Variants in CNTN5 observed in about 807,000 individuals in gnomAD.
CNTN5 encodes the protein contactin 5.
A neutral mutation model predicts 129.1 loss-of-function variants in CNTN5; 77 were observed. That is an observed-to-expected ratio of 0.60 (90% CI 0.50 to 0.72). CNTN5 has a LOEUF of 0.72. Among genes scored for constraint, CNTN5 ranks in the 30% least tolerant of loss-of-function variants. The pLI is 0.00. For synonymous variants in CNTN5, 509 were observed against 465.6 expected, an observed-to-expected ratio of 1.09 and a Z score of -1.20; for missense variants, 1,478 against 1,328.8, an observed-to-expected ratio of 1.11 and a Z score of -1.75.
At position 99,844,233 on chromosome 11, in the gene CNTN5, CTATT is replaced by C. The variant is rs200603529; in HGVS notation, c.278-616_278-613del. Among the ~76,000 whole-genome samples the C allele has an allele frequency of 6.7e-3, 1,021 of 152,252 alleles. 10 individuals carry two copies. The highest frequency in any genetic ancestry group is 0.023 in the African/African-American group (958 of 41,556). ...GCCTTTTGTCTTCTGATCTTATTGA[CTATT>C]TAGTTGTATAAAGTTTTGCCATTTT... On this transcript the variant is annotated intron_variant, in intron 4 of 24. Transcript: ENST00000524871.
At chr11:99,396,380 C>T (rs1941525114) in intron 2 of CNTN5, among the ~76,000 whole-genome samples, 1 of 151,370 alleles carries the variant, frequency 6.6e-6, no homozygotes, top group Admixed American at 6.6e-5. Context: ...ACTCTGTGGT[C>T]TAGGTTATCT....
At chr11:99,830,300 T>C (rs938695103) in intron 4 of CNTN5, among the ~76,000 whole-genome samples, 1 of 152,180 alleles carries the variant, frequency 6.6e-6, no homozygotes, top group African/African-American at 2.4e-5. Flanking sequence ...ATAAACCCTC[T>C]GTGTCTACGC....
At chr11:99,073,992 A>C (rs556194319) in intron 1 of CNTN5, among the ~76,000 whole-genome samples, 1 of 152,258 alleles carries the variant, frequency 6.6e-6, no homozygotes, top group East Asian at 1.9e-4. Flanking sequence ...ACTCCCACCA[A>C]CAGTGTAAAA....
chr11:100,087,224 A>G (rs1008112177), intron 13 of CNTN5, among the ~76,000 whole-genome samples: 2 of 151,822 alleles, frequency 1.3e-5, no homozygotes, highest in Non-Finnish European at 2.9e-5. Context: ...AAATAATTAA[A>G]TGACAAAAAA....
At chr11:100,007,979 T>A (rs756859242) in intron 9 of CNTN5, among the ~76,000 whole-genome samples, 3 of 152,008 alleles carry the variant, frequency 2.0e-5, no homozygotes, top group Non-Finnish European at 4.4e-5. Flanking sequence ...ATTTTAATAT[T>A]ATTGTGTCTC....
chr11:99,596,012 CT>C (rs1171271736), intron 3 of CNTN5, among the ~76,000 whole-genome samples: 1 of 152,040 alleles, frequency 6.6e-6, no homozygotes, highest in Non-Finnish European at 1.5e-5. Context: ...CAAGATCCCC[CT>C]GATTCAAGAC....
At position 100,178,266 on chromosome 11, in the gene CNTN5, A is replaced by G. The variant is rs1425526562; in HGVS notation, c.1581-12860A>G. Among the ~76,000 whole-genome samples, 4 of 152,088 alleles carry G rather than the reference A, an allele frequency of 2.6e-5. No homozygotes were observed. In the East Asian group the frequency reaches 7.7e-4, roughly 29 times the overall value. On this transcript the variant is annotated intron_variant, in intron 13 of 24. Coordinates refer to ENST00000524871, the MANE Select transcript of CNTN5 (RefSeq NM_014361.4). ...GCAAAACACTATTCTGGTCTGTTTT[A>G]TTTCTTTTCTATCTTATAAACATAC...
intron 1 of CNTN5, among the ~76,000 whole-genome samples, chr11:99,194,423 A>G (rs1035743325): frequency 6.6e-6 from 1 of 152,174 alleles, no homozygotes; most frequent in African/African-American, 2.4e-5. Flanking sequence ...TTTTCATGTA[A>G]CAAAAAAGAA....
chr11:99,944,946 A>G (rs763738148), intron 7 of CNTN5, among the ~76,000 whole-genome samples: 8 of 152,118 alleles, frequency 5.3e-5, no homozygotes, highest in East Asian at 1.9e-4. Flanking sequence ...CAAGTGTGCA[A>G]CTGGGCAGAG....
chr11:99,058,907 TG>T (rs950212689), intron 1 of CNTN5, among the ~76,000 whole-genome samples: 36 of 150,208 alleles, frequency 2.4e-4, no homozygotes, highest in African/African-American at 8.5e-4. Flanking sequence ...AAACTGATGG[TG>T]GGCAGTTATA....
At chr11:100,033,935 C>T (rs1404898236) in intron 9 of CNTN5, among the ~76,000 whole-genome samples, 5 of 152,162 alleles carry the variant, frequency 3.3e-5, no homozygotes, top group Admixed American at 3.3e-4. Context: ...ACCCTCCATA[C>T]ACATCCTTCT....
At chr11:99,920,855 C>T (rs188903136) in intron 7 of CNTN5, among the ~76,000 whole-genome samples, 3 of 152,216 alleles carry the variant, frequency 2.0e-5, no homozygotes, top group Admixed American at 2.0e-4. Context: ...CAACATACTA[C>T]TTTTGAGGGG....
At chr11:99,128,097 A>G (rs117346652) in intron 1 of CNTN5, among the ~76,000 whole-genome samples, 7,264 of 152,290 alleles carry the variant, frequency 0.048, 195 homozygotes, top group Middle Eastern at 0.065. Context: ...AGAACTGTCC[A>G]CTGTCATGGA....
chr11:99,458,958 C>T (rs1440443501), intron 2 of CNTN5, among the ~76,000 whole-genome samples: 1 of 151,934 alleles, frequency 6.6e-6, no homozygotes, highest in Non-Finnish European at 1.5e-5. Flanking sequence ...GAATAATGAA[C>T]CTAGAGAGCT....
chr11:100,292,871 C>T (rs1951020880), intron 18 of CNTN5, among the ~76,000 whole-genome samples: 2 of 151,946 alleles, frequency 1.3e-5, no homozygotes, highest in Admixed American at 6.6e-5. Context: ...GTTCAGAAAA[C>T]AGTCGTTTAA....
At chr11:100,084,336 C>A (rs147374818) in intron 13 of CNTN5, among the ~76,000 whole-genome samples, 1,603 of 152,220 alleles carry the variant, frequency 0.011, 31 homozygotes, top group African/African-American at 0.034. Context: ...GATTCGACTA[C>A]CTCCCCAAGT....
At chr11:99,792,325 A>T (rs1945774909) in intron 3 of CNTN5, among the ~76,000 whole-genome samples, 1 of 152,124 alleles carries the variant, frequency 6.6e-6, no homozygotes, top group Non-Finnish European at 1.5e-5. Context: ...GAAATTTATC[A>T]AAAGCCTTTT....
At chr11:99,070,184 G>C (rs777790140) in intron 1 of CNTN5, among the ~76,000 whole-genome samples, 2 of 152,144 alleles carry the variant, frequency 1.3e-5, no homozygotes, top group Non-Finnish European at 2.9e-5. Flanking sequence ...TGTGACTCCA[G>C]AATCTATCTC....
chr11:100,126,326 G>A (rs80041398), intron 13 of CNTN5, among the ~76,000 whole-genome samples: 118 of 152,160 alleles, frequency 7.8e-4, no homozygotes, highest in African/African-American at 2.2e-3. Context: ...CAAATGTTAC[G>A]TTTAAGTCCA....
Sources: allele counts gnomAD v4.1 joint callset (sites outside exome capture counted in the v4.1 genomes callset), GRCh38; gene constraint gnomAD v4.1.1; transcripts MANE v1.5; gene names NCBI Gene and HGNC (gene_info 2026-07-23, HGNC 2026-07-21).